Variants in PCDH7 observed in about 807,000 individuals in gnomAD.
The protein encoded by PCDH7 is protocadherin-7.
PCDH7 carries 17 observed loss-of-function variants against 58.9 expected under a neutral mutation model. The observed-to-expected ratio is 0.29, with a 90% CI of 0.20 to 0.43. PCDH7 has a LOEUF of 0.43. Among genes scored for constraint, PCDH7 ranks in the 20% least tolerant of loss-of-function variants. The probability of loss-of-function intolerance (pLI) is 1.00; values close to 1 mark genes in which losing one functional copy is unlikely to be tolerated. For synonymous variants in PCDH7, 664 were observed against 616.4 expected, an observed-to-expected ratio of 1.08 and a Z score of -1.14; for missense variants, 1,274 against 1,441.0, an observed-to-expected ratio of 0.88 and a Z score of 1.88.
rs537377549 is a variant in PCDH7 at position 30,802,984 on chromosome 4, A to C, written c.70+78388A>C. ...GCAAGGCAGCTGCGAGAGAAGGTTA[A>C]AGAAGGGAAGAAATCAATTGCACCC... On this transcript the variant is annotated intron_variant, in intron 1 of 3. Coordinates refer to the PCDH7 transcript ENST00000509759. Among the ~76,000 whole-genome samples the C allele has an allele frequency of 2.0e-5, 3 of 152,256 alleles. No homozygotes were observed. In the South Asian group the frequency reaches 6.2e-4, roughly 32 times the overall value.
At chr4:30,817,222 A>G (rs567318265) in intron 1 of PCDH7, among the ~76,000 whole-genome samples, 3 of 152,140 alleles carry the variant, frequency 2.0e-5, no homozygotes, top group Non-Finnish European at 4.4e-5. Flanking sequence ...AGGTCATCTC[A>G]CTTTTTGTAG....
At chr4:30,934,499 A>G (rs1257592724) in intron 2 of PCDH7, among the ~76,000 whole-genome samples, 1 of 152,058 alleles carries the variant, frequency 6.6e-6, no homozygotes, top group Non-Finnish European at 1.5e-5. Context: ...TTTGAAGGAG[A>G]ATTAGAGGAC....
chr4:31,094,730 A>C (rs1713723121), intron 3 of PCDH7, among the ~76,000 whole-genome samples: 1 of 152,254 alleles, frequency 6.6e-6, no homozygotes, highest in Non-Finnish European at 1.5e-5. Context: ...AACAAAAAAA[A>C]ATTGTACAGT....
At chr4:30,988,815 A>C (rs1362375203) in intron 3 of PCDH7, among the ~76,000 whole-genome samples, 2 of 152,196 alleles carry the variant, frequency 1.3e-5, no homozygotes, top group Non-Finnish European at 2.9e-5. Flanking sequence ...GGAATGGAAG[A>C]ACTCTTTCTT....
At chr4:30,867,394 G>C (rs1735011118) in intron 1 of PCDH7, among the ~76,000 whole-genome samples, 1 of 152,004 alleles carries the variant, frequency 6.6e-6, no homozygotes, top group Non-Finnish European at 1.5e-5. Context: ...GATGTGCTTT[G>C]TAATTATTTA....
intron 1 of PCDH7, among the ~76,000 whole-genome samples, chr4:30,857,240 C>A (rs1733586426): frequency 6.6e-6 from 1 of 152,026 alleles, no homozygotes; most frequent in African/African-American, 2.4e-5. Context: ...AACCTAATTT[C>A]TCTGTCTGCG....
intron 1 of PCDH7, among the ~76,000 whole-genome samples, chr4:30,727,697 A>G (rs570934976): frequency 2.9e-4 from 44 of 152,088 alleles, no homozygotes; most frequent in Middle Eastern, 6.8e-3. Context: ...TTTGTGAACT[A>G]GAAGTACAAC....
chr4:30,989,196 A>G (rs985032965), intron 3 of PCDH7, among the ~76,000 whole-genome samples: 2 of 152,182 alleles, frequency 1.3e-5, no homozygotes, highest in African/African-American at 4.8e-5. Flanking sequence ...TTATTTGATA[A>G]AGTTGAAGAG....
chr4:31,092,728 G>A (rs1348103534), intron 3 of PCDH7, among the ~76,000 whole-genome samples: 1 of 151,990 alleles, frequency 6.6e-6, no homozygotes, highest in Non-Finnish European at 1.5e-5. Flanking sequence ...TAGAGACCTA[G>A]AGAGGGACCA....
At chr4:30,872,991 T>A (rs1303823777) in intron 1 of PCDH7, among the ~76,000 whole-genome samples, 1 of 152,122 alleles carries the variant, frequency 6.6e-6, no homozygotes. Context: ...TTGGCTTCCC[T>A]TATTACTCAG....
chr4:30,770,814 G>A (rs1721304382), intron 1 of PCDH7, among the ~76,000 whole-genome samples: 1 of 152,112 alleles, frequency 6.6e-6, no homozygotes, highest in Non-Finnish European at 1.5e-5. Flanking sequence ...ACCACATTTT[G>A]AAGGGGAAAA....
At chr4:30,843,946 G>GA (rs201585982) in intron 1 of PCDH7, among the ~76,000 whole-genome samples, 2 of 151,656 alleles carry the variant, frequency 1.3e-5, no homozygotes, top group Admixed American at 6.6e-5. Flanking sequence ...AAAAATAAAA[G>GA]AAAAAAAAGT....
intron 1 of PCDH7, among the ~76,000 whole-genome samples, chr4:30,908,808 G>A (rs1186133115): frequency 6.6e-6 from 1 of 152,092 alleles, no homozygotes; most frequent in Non-Finnish European, 1.5e-5. Context: ...TAGAAAAAGA[G>A]GGCCTCCTCC....
intron 3 of PCDH7, among the ~76,000 whole-genome samples, chr4:30,999,565 G>A (rs1310377779): frequency 1.3e-5 from 2 of 152,004 alleles, no homozygotes; most frequent in East Asian, 1.9e-4. Context: ...AAGATTATTC[G>A]GCAATATATC....
chr4:30,931,979 G>A (rs1744658374), intron 2 of PCDH7, among the ~76,000 whole-genome samples: 1 of 151,776 alleles, frequency 6.6e-6, no homozygotes, highest in Non-Finnish European at 1.5e-5. Context: ...TTTATACTAT[G>A]CAATTATTTG....
chr4:30,977,275 T>G (rs1239159203), intron 3 of PCDH7, among the ~76,000 whole-genome samples: 1 of 152,206 alleles, frequency 6.6e-6, no homozygotes, highest in Non-Finnish European at 1.5e-5. Context: ...CCATTACAAT[T>G]ATCATTTTAA....
At chr4:31,046,250 A>G (rs962760838) in intron 3 of PCDH7, among the ~76,000 whole-genome samples, 1 of 152,012 alleles carries the variant, frequency 6.6e-6, no homozygotes, top group Admixed American at 6.6e-5. Flanking sequence ...TTATTAAAAT[A>G]TACTTTATGT....
chr4:30,966,806 G>A (rs1275476025), intron 3 of PCDH7, among the ~76,000 whole-genome samples: 7 of 152,120 alleles, frequency 4.6e-5, no homozygotes, highest in African/African-American at 1.7e-4. Flanking sequence ...AAATGAAAAT[G>A]TAACTTATCA....
At chr4:30,835,847 A>G (rs28719654) in intron 1 of PCDH7, among the ~76,000 whole-genome samples, 2,000 of 152,260 alleles carry the variant, frequency 0.013, 39 homozygotes, top group African/African-American at 0.045. Flanking sequence ...AGGAGGAGGG[A>G]GGCATTAAAT....
Sources: allele counts gnomAD v4.1 joint callset (sites outside exome capture counted in the v4.1 genomes callset), GRCh38; gene constraint gnomAD v4.1.1; transcripts MANE v1.5; gene names NCBI Gene and HGNC (gene_info 2026-07-23, HGNC 2026-07-21).